Variants in CAPS2 observed in about 807,000 individuals in gnomAD.
CAPS2 encodes the protein calcyphosin-2.
CAPS2 carries 98 observed loss-of-function variants against 86.5 expected under a neutral mutation model. The ratio of observed to expected loss-of-function variants is 1.13; its 90% CI spans 0.96 to 1.34. The LOEUF (loss-of-function observed/expected upper bound fraction) is 1.34. CAPS2 is among the 40% of genes most tolerant of loss of function. The pLI is 0.00. For synonymous variants in CAPS2, 210 were observed against 225.1 expected (o/e 0.93, Z 0.60); for missense variants, 729 against 686.8 (o/e 1.06, Z -0.69).
rs1565907250 is a variant in CAPS2, at chr12:75,323,224, T to G, written c.132-2A>C. On this transcript the variant is annotated splice_acceptor_variant, in intron 2 of 16. Transcript: ENST00000393284. LOFTEE classifies it high-confidence loss of function. Reference sequence around the variant, plus strand: ...CTTCCCAAATCAAGTCGTGGGACCCTGAAAGACATAATCTATGTATCCCGT... The same window carrying G: ...CTTCCCAAATCAAGTCGTGGGACCCGGAAAGACATAATCTATGTATCCCGT... 3.2e-6 allele frequency: 5 copies of G among 1,542,854 alleles called. No homozygotes were observed. Among genetic ancestry groups the G allele is most frequent in the Non-Finnish European group, 4.4e-6 (5 of 1,142,808 alleles).
chr12:75,278,836 A>G, exon 17 of CAPS2: 1 of 1,394,468 alleles, frequency 7.2e-7, no homozygotes, highest in South Asian at 2.0e-5. Context: ...CTTTACATTG[A>G]TATCATCTCT....
At chr12:75,340,132 C>T (rs1353729557) in intron 1 of CAPS2, among the ~76,000 whole-genome samples, 1 of 150,112 alleles carries the variant, frequency 6.7e-6, no homozygotes, top group Non-Finnish European at 1.5e-5. Flanking sequence ...ATATTTTATA[C>T]ACACATATAT....
At chr12:75,347,457 A>T (rs1468312052) in intron 1 of CAPS2, among the ~76,000 whole-genome samples, 1 of 152,134 alleles carries the variant, frequency 6.6e-6, no homozygotes, top group Admixed American at 6.5e-5. Flanking sequence ...CCATGACAAT[A>T]TAAGAATTTT....
intron 1 of CAPS2, among the ~76,000 whole-genome samples, chr12:75,388,686 C>T (rs558877380): frequency 2.6e-5 from 4 of 152,186 alleles, no homozygotes; most frequent in African/African-American, 4.8e-5. Context: ...GGCAGCAAAA[C>T]GACTCTATAT....
chr12:75,380,189 T>C (rs2044882383), intron 1 of CAPS2, among the ~76,000 whole-genome samples: 1 of 152,226 alleles, frequency 6.6e-6, no homozygotes, highest in African/African-American at 2.4e-5. Flanking sequence ...ATTATTTGCT[T>C]GCATTTGTAT....
intron 2 of CAPS2, 30 bp downstream of exon 3, chr12:75,325,209 A>G: frequency 6.5e-7 from 1 of 1,540,040 alleles, no homozygotes; most frequent in Non-Finnish European, 8.8e-7. Context: ...TGCCCATTAA[A>G]CAGTCCAAAT....
intron 7 of CAPS2, 125 bp downstream of exon 7, chr12:75,312,723 G>A (rs1252870293): frequency 1.8e-5 from 11 of 599,102 alleles, no homozygotes; most frequent in Non-Finnish European, 3.3e-5. Context: ...GCAGTAAACA[G>A]AGAAAGTTTG....
At chr12:75,322,090 T>G (rs1286284535) in intron 4 of CAPS2, among the ~76,000 whole-genome samples, 1 of 152,204 alleles carries the variant, frequency 6.6e-6, no homozygotes, top group East Asian at 1.9e-4. Context: ...TGTCCTCATT[T>G]GAATTTGCAT....
chr12:75,279,273 A>G (rs1421095850), intron 16 of CAPS2, among the ~76,000 whole-genome samples: 1 of 152,028 alleles, frequency 6.6e-6, no homozygotes, highest in Non-Finnish European at 1.5e-5. Flanking sequence ...GCTCTCCTGC[A>G]CTGATCTATC....
intron 1 of CAPS2, among the ~76,000 whole-genome samples, chr12:75,342,853 C>T (rs920811064): frequency 6.6e-5 from 10 of 151,884 alleles, no homozygotes; most frequent in African/African-American, 1.7e-4. Flanking sequence ...CTTTCAGTTA[C>T]GTTTTTGCAG....
At chr12:75,305,548 T>C in intron 7 of CAPS2, 1 of 624,738 alleles carries the variant, frequency 1.6e-6, no homozygotes, top group Non-Finnish European at 3.1e-6. Context: ...CGTTCCTCCG[T>C]CCGCGACCCT....
At chr12:75,361,402 A>C (rs1000843190) in intron 1 of CAPS2, among the ~76,000 whole-genome samples, 1 of 152,166 alleles carries the variant, frequency 6.6e-6, no homozygotes, top group African/African-American at 2.4e-5. Flanking sequence ...TCAGGTTTTA[A>C]ACTGTCTTTG....
chr12:75,292,630 G>A (rs566770788), intron 12 of CAPS2, among the ~76,000 whole-genome samples: 92 of 144,658 alleles, frequency 6.4e-4, no homozygotes, highest in African/African-American at 2.1e-3. Flanking sequence ...TACATATTAT[G>A]TATGTATAGA....
intron 7 of CAPS2, among the ~76,000 whole-genome samples, chr12:75,310,236 T>G (rs980954755): frequency 6.6e-6 from 1 of 151,996 alleles, no homozygotes; most frequent in African/African-American, 2.4e-5. Context: ...AAAAAAGAAA[T>G]GGTAAGAAGA....
intron 11 of CAPS2, among the ~76,000 whole-genome samples, chr12:75,293,735 T>C (rs2036412134): frequency 6.6e-6 from 1 of 152,142 alleles, no homozygotes; most frequent in Non-Finnish European, 1.5e-5. Flanking sequence ...CTGTGAAGAT[T>C]TCTCATACTC....
intron 1 of CAPS2, among the ~76,000 whole-genome samples, chr12:75,388,610 A>T (rs2045411485): frequency 6.6e-6 from 1 of 152,212 alleles, no homozygotes; most frequent in Non-Finnish European, 1.5e-5. Flanking sequence ...ACAGTAAAAA[A>T]AAATTAGTAG....
intron 11 of CAPS2, 79 bp downstream of exon 11, chr12:75,298,608 C>G: frequency 9.8e-7 from 1 of 1,022,690 alleles, no homozygotes; most frequent in Non-Finnish European, 1.5e-6. Flanking sequence ...AGACTAGAAG[C>G]CCTACTCCTC....
chr12:75,370,009 A>G (rs1157030539), intron 1 of CAPS2: 1 of 1,143,218 alleles, frequency 8.7e-7, no homozygotes, highest in Non-Finnish European at 1.3e-6. Flanking sequence ...ATATTTTAGT[A>G]TTAATTAAAT....
downstream of CAPS2, chr12:75,276,488 G>C (rs868549288): frequency 6.8e-5 from 66 of 975,570 alleles, no homozygotes; most frequent in Middle Eastern, 1.1e-3. Flanking sequence ...TCTATGCAGA[G>C]TCGCTGGTTC....
Sources: allele counts gnomAD v4.1 joint callset (sites outside exome capture counted in the v4.1 genomes callset), GRCh38; gene constraint gnomAD v4.1.1; transcripts MANE v1.5; gene names NCBI Gene and HGNC (gene_info 2026-07-23, HGNC 2026-07-21).